SLIT3: variants seen among roughly 807,000 people sequenced by gnomAD.
SLIT3 encodes slit homolog 3 protein.
In SLIT3, 68 loss-of-function variants were observed where a neutral mutation model predicts 184.0. The observed-to-expected ratio is 0.37, with a 90% CI of 0.30 to 0.45. The LOEUF (loss-of-function observed/expected upper bound fraction) is 0.45, where lower values mean the gene tolerates loss of function less well. Ranked by LOEUF, SLIT3 falls within the 20% of genes least tolerant of loss-of-function variation. The pLI is 1.00. For missense variants in SLIT3, 1,707 were observed against 2,026.0 expected (o/e 0.84, Z 3.02); for synonymous variants, 831 against 828.6 (o/e 1.00, Z -0.05).
chr5:169,062,282 C>G (rs1758197246), intron 4 of SLIT3, among the ~76,000 whole-genome samples: 1 of 152,226 alleles, frequency 6.6e-6, no homozygotes, highest in Non-Finnish European at 1.5e-5. Flanking sequence ...ACTCACCCTT[C>G]TAAGCAGAAT....
At chr5:168,702,406 A>T (rs1374894076) in intron 26 of SLIT3, among the ~76,000 whole-genome samples, 1 of 152,112 alleles carries the variant, frequency 6.6e-6, no homozygotes, top group Non-Finnish European at 1.5e-5. Context: ...AAGCAGCTGA[A>T]CCCAGGCATC....
chr5:168,883,198 A>G, intron 5 of SLIT3, 67 bp downstream of exon 5: 1 of 1,285,308 alleles, frequency 7.8e-7, no homozygotes, highest in Non-Finnish European at 1.1e-6. Context: ...CCCATCCCTC[A>G]CCCTCACTCT....
intron 3 of SLIT3, among the ~76,000 whole-genome samples, chr5:169,227,440 TG>T (rs1268118862): frequency 2.0e-5 from 3 of 152,212 alleles, no homozygotes; most frequent in Non-Finnish European, 4.4e-5. Context: ...GTCATTATTA[TG>T]TTTTTTTAGA....
intron 4 of SLIT3, among the ~76,000 whole-genome samples, chr5:168,949,158 C>A (rs901036690): frequency 6.6e-6 from 1 of 152,100 alleles, no homozygotes; most frequent in African/African-American, 2.4e-5. Context: ...GTGGGGTGAA[C>A]GGAGTTTCAC....
At chr5:169,195,638 C>A (rs1289306955) in intron 3 of SLIT3, among the ~76,000 whole-genome samples, 3 of 152,138 alleles carry the variant, frequency 2.0e-5, no homozygotes, top group Admixed American at 6.5e-5. Flanking sequence ...GTGATTCCCC[C>A]ACCTCCGCCT....
chr5:168,910,470 G>A (rs936567248), intron 4 of SLIT3, among the ~76,000 whole-genome samples: 4 of 152,286 alleles, frequency 2.6e-5, no homozygotes, highest in East Asian at 3.9e-4. Context: ...GCCGCCGGGC[G>A]TGGTGGCTCA....
intron 1 of SLIT3, among the ~76,000 whole-genome samples, chr5:169,295,739 T>C (rs1270299641): frequency 6.6e-6 from 1 of 152,252 alleles, no homozygotes; most frequent in Non-Finnish European, 1.5e-5. Context: ...GACAGAACTC[T>C]GTGACAACAA....
At chr5:168,895,213 T>C (rs547610920) in intron 4 of SLIT3, among the ~76,000 whole-genome samples, 85 of 152,298 alleles carry the variant, frequency 5.6e-4, no homozygotes, top group Middle Eastern at 3.4e-3. Context: ...GCTCCGGATC[T>C]ACCTAACCCT....
intron 15 of SLIT3, 111 bp downstream of exon 15, chr5:168,762,428 A>G (rs1755189015): frequency 8.7e-7 from 1 of 1,147,860 alleles, no homozygotes; most frequent in South Asian, 1.5e-5. Context: ...GCCAACAAAC[A>G]CCACATGACT....
In SLIT3 at chr5:169,009,122, A is replaced by G. The variant is rs898156368; in HGVS notation, c.414-125786T>C. Among the ~76,000 whole-genome samples the G allele has an allele frequency of 2.0e-5, 3 of 152,208 alleles. No homozygotes were observed. In the East Asian group the frequency reaches 5.8e-4, roughly 29 times the overall value. On this transcript the variant is annotated intron_variant, in intron 4 of 35. Transcript: ENST00000519560. ...TTAAAAGAGAAACCAGGAAAGGTTA[A>G]TTAGGAGGAAGCAATTATCTTAGAG...
intron 4 of SLIT3, among the ~76,000 whole-genome samples, chr5:169,071,160 T>C (rs2113125557): frequency 6.6e-6 from 1 of 152,346 alleles, no homozygotes; most frequent in South Asian, 2.1e-4. Flanking sequence ...CTGTGATTTG[T>C]GGTTAGTTTT....
chr5:168,956,083 A>AG (rs1762815099), intron 4 of SLIT3, among the ~76,000 whole-genome samples: 1 of 152,220 alleles, frequency 6.6e-6, no homozygotes, highest in Non-Finnish European at 1.5e-5. Context: ...TGAGTTTTAA[A>AG]GGGGAAAATA....
intron 12 of SLIT3, among the ~76,000 whole-genome samples, chr5:168,779,851 G>A (rs909868355): frequency 1.3e-5 from 2 of 152,226 alleles, no homozygotes; most frequent in Admixed American, 1.3e-4. Context: ...AACATGGGGA[G>A]ATGGCCCACA....
intron 1 of SLIT3, among the ~76,000 whole-genome samples, chr5:169,253,424 G>C (rs1765845503): frequency 1.3e-5 from 2 of 152,176 alleles, no homozygotes; most frequent in African/African-American, 4.8e-5. Flanking sequence ...CTGTGGGACT[G>C]TCCCCGGCAC....
intron 4 of SLIT3, among the ~76,000 whole-genome samples, chr5:169,000,327 G>C (rs1245896013): frequency 7.0e-6 from 1 of 142,872 alleles, no homozygotes; most frequent in South Asian, 2.2e-4. Flanking sequence ...GGGAGGCAGA[G>C]GTTGCAGTGA....
At chr5:168,796,073 T>C (rs1168322292) in intron 9 of SLIT3, among the ~76,000 whole-genome samples, 1 of 152,208 alleles carries the variant, frequency 6.6e-6, no homozygotes, top group Non-Finnish European at 1.5e-5. Flanking sequence ...AGCTTTTCCA[T>C]GGGCTGTTTT....
chr5:169,113,658 CTTT>C (rs869209479), intron 4 of SLIT3, among the ~76,000 whole-genome samples: 32 of 131,380 alleles, frequency 2.4e-4, no homozygotes, highest in Non-Finnish European at 4.5e-4. Context: ...TTTTCTTTTT[CTTT>C]TTTTTTTTTT....
intron 14 of SLIT3, among the ~76,000 whole-genome samples, chr5:168,769,137 G>T (rs1378139824): frequency 6.6e-6 from 1 of 152,140 alleles, no homozygotes; most frequent in Non-Finnish European, 1.5e-5. Context: ...TTGATTTCTT[G>T]TTCTCTTCCT....
intron 4 of SLIT3, among the ~76,000 whole-genome samples, chr5:168,979,638 G>A (rs1199341516): frequency 6.6e-6 from 1 of 152,208 alleles, no homozygotes; most frequent in Non-Finnish European, 1.5e-5. Flanking sequence ...CCTGGAGAAT[G>A]GGGTGTGTGT....
Sources: allele counts gnomAD v4.1 joint callset (sites outside exome capture counted in the v4.1 genomes callset), GRCh38; gene constraint gnomAD v4.1.1; transcripts MANE v1.5; gene names NCBI Gene and HGNC (gene_info 2026-07-23, HGNC 2026-07-21).